NME7: variants seen among roughly 807,000 people sequenced by gnomAD.
NME7 encodes the protein NME/NM23 family member 7.
In NME7, 41 loss-of-function variants were observed where a neutral mutation model predicts 49.1. The ratio of observed to expected loss-of-function variants is 0.83; its 90% CI spans 0.65 to 1.08. NME7 has a LOEUF of 1.08. Ranked by LOEUF, NME7 falls within the 50% of genes least tolerant of loss-of-function variation. The pLI is 0.00. For missense variants in NME7, 423 were observed against 463.4 expected (o/e 0.91, Z 0.80); for synonymous variants, 139 against 150.6 (o/e 0.92, Z 0.56).
intron 1 of NME7, among the ~76,000 whole-genome samples, chr1:169,367,157 G>C (rs1272892760): frequency 1.3e-5 from 2 of 151,286 alleles, no homozygotes; most frequent in Admixed American, 6.6e-5. Context: ...AAAAAAAGAA[G>C]AAGAAAGAAA....
At chr1:169,338,088 T>G (rs1384750590) in intron 1 of NME7, among the ~76,000 whole-genome samples, 1 of 152,194 alleles carries the variant, frequency 6.6e-6, no homozygotes, top group Non-Finnish European at 1.5e-5. Context: ...GAAAACAAAT[T>G]ATAACAGAAG....
At chr1:169,295,499 TTAAC>T (rs1266733168) in intron 6 of NME7, among the ~76,000 whole-genome samples, 2 of 152,194 alleles carry the variant, frequency 1.3e-5, no homozygotes, top group African/African-American at 4.8e-5. Context: ...GATTGGAAAT[TTAAC>T]TATACAAAAC....
rs10800427 is a variant in NME7 at position 169,303,213 on chromosome 1, A to T, written c.390-18T>A. On this transcript the variant is annotated intron_variant, in intron 4 of 11. Transcript: ENST00000367811. The stretch of plus-strand genomic sequence containing the variant: ...CTTCTTTCCTATAAAATAATCAAAA[A>T]GGCAATAGTTAAGAATTATAAAATT... 0.96 allele frequency: 1,341,352 copies of T among 1,398,832 alleles called. 643,327 individuals carry two copies. The highest frequency in any genetic ancestry group is 1 in the East Asian group (39,950 of 39,958). 86.7% of individuals were successfully genotyped at this position (1,398,832 alleles called of 1,614,324 possible). A position where few individuals can be genotyped will look rare whatever the true frequency, so the allele number is the denominator to read the frequency against.
intron 10 of NME7, among the ~76,000 whole-genome samples, chr1:169,180,580 C>T (rs916911641): frequency 1.3e-5 from 2 of 152,150 alleles, no homozygotes; most frequent in African/African-American, 4.8e-5. Context: ...AGATTCCAGA[C>T]CAAGGTGAGC....
In NME7 at chr1:169,216,860, A is replaced by G. The variant is rs532258003; in HGVS notation, c.990+13858T>C. ...ACACACTTCTTGGTGACCAAAAGTC[A>G]CAGAGGTCTTTTCTGTTGACTGTTG... is the stretch of plus-strand genomic sequence containing the variant. On this transcript the variant is annotated intron_variant, in intron 10 of 11. Transcript: ENST00000367811. 4.6e-5 allele frequency among the ~76,000 whole-genome samples: 7 copies of G among 152,360 alleles called. No homozygotes were observed. In the South Asian group the frequency reaches 1.5e-3, roughly 32 times the overall value.
At chr1:169,210,725 T>C (rs1348306924) in intron 10 of NME7, among the ~76,000 whole-genome samples, 1 of 148,098 alleles carries the variant, frequency 6.8e-6, no homozygotes, top group East Asian at 3.6e-4. Context: ...ACAAATAAAA[T>C]GGGGAAAAAA....
chr1:169,308,439 A>C (rs1266127149), intron 4 of NME7, among the ~76,000 whole-genome samples: 2 of 152,190 alleles, frequency 1.3e-5, no homozygotes. Flanking sequence ...TAAGAACACT[A>C]TTGGAGCCAG....
intron 1 of NME7, among the ~76,000 whole-genome samples, chr1:169,350,672 A>AG (rs1653140319): frequency 1.3e-5 from 2 of 152,090 alleles, no homozygotes; most frequent in Admixed American, 6.6e-5. Context: ...TCAAGAAAAG[A>AG]GGGAAAAAAA....
chr1:169,190,307 C>T (rs1660181451), intron 10 of NME7, among the ~76,000 whole-genome samples: 1 of 151,462 alleles, frequency 6.6e-6, no homozygotes, highest in South Asian at 2.1e-4. Flanking sequence ...TTAGAGAAGA[C>T]CACAATATAT....
intron 7 of NME7, among the ~76,000 whole-genome samples, chr1:169,246,160 G>C (rs1648303684): frequency 6.6e-6 from 1 of 152,010 alleles, no homozygotes; most frequent in African/African-American, 2.4e-5. Context: ...AAAAAAATTA[G>C]CCAGGTATGA....
At chr1:169,199,385 A>C (rs1660477857) in intron 10 of NME7, among the ~76,000 whole-genome samples, 1 of 151,158 alleles carries the variant, frequency 6.6e-6, no homozygotes, top group East Asian at 1.9e-4. Context: ...ACTTGCCAAG[A>C]GCAAAGCTAC....
At chr1:169,351,500 G>C (rs1653171425) in intron 1 of NME7, among the ~76,000 whole-genome samples, 1 of 151,108 alleles carries the variant, frequency 6.6e-6, no homozygotes, top group South Asian at 2.1e-4. Flanking sequence ...CAAATAAATA[G>C]CCTAATGATG....
chr1:169,247,010 A>AC (rs1479676505), intron 7 of NME7: 4 of 456,062 alleles, frequency 8.8e-6, no homozygotes, highest in African/African-American at 2.0e-5. Context: ...AGCAGAGAAG[A>AC]CCTATGGGAA....
chr1:169,366,520 G>T (rs1653860736), intron 1 of NME7, among the ~76,000 whole-genome samples: 2 of 152,176 alleles, frequency 1.3e-5, no homozygotes, highest in Non-Finnish European at 2.9e-5. Flanking sequence ...AGAAACTGGA[G>T]AGGAAAAGGC....
At chr1:169,192,171 T>C (rs1660248734) in intron 10 of NME7, among the ~76,000 whole-genome samples, 1 of 152,118 alleles carries the variant, frequency 6.6e-6, no homozygotes, top group Non-Finnish European at 1.5e-5. Context: ...ATATGACAAC[T>C]GCCAGGTGAG....
At chr1:169,171,257 A>G (rs1464849561) in intron 10 of NME7, among the ~76,000 whole-genome samples, 1 of 151,922 alleles carries the variant, frequency 6.6e-6, no homozygotes, top group South Asian at 2.1e-4. Flanking sequence ...AGTCCCAGCT[A>G]CTTGGGAGGC....
chr1:169,339,901 T>G (rs1423439488), intron 1 of NME7, among the ~76,000 whole-genome samples: 1 of 152,190 alleles, frequency 6.6e-6, no homozygotes, highest in Non-Finnish European at 1.5e-5. Flanking sequence ...TTGGTTAAGT[T>G]TCTCCTCTGC....
intron 10 of NME7, among the ~76,000 whole-genome samples, chr1:169,203,869 G>C (rs1351827417): frequency 6.6e-6 from 1 of 151,984 alleles, no homozygotes; most frequent in East Asian, 1.9e-4. Flanking sequence ...TTCGTGTTTT[G>C]TTTTTGAGAC....
In NME7 at chr1:169,258,926, C is replaced by T. The variant is rs2101860660; in HGVS notation, c.755-21239G>A. 1.5e-5 allele frequency among the ~76,000 whole-genome samples: 2 copies of T among 132,706 alleles called. 1 individual carries two copies. The highest frequency in any genetic ancestry group is 5.1e-5 in the African/African-American group (2 of 39,354). The allele number at this position is 132,706 out of a possible 152,430, so 87.1% of individuals were successfully genotyped here. ...CAAATCAGATACTTTGGAGTCAGGG[C>T]CCAGGAATCTATATTTAATCCAAGT... On this transcript the variant is annotated intron_variant, in intron 7 of 11. Coordinates refer to ENST00000367811, the MANE Select transcript of NME7 (RefSeq NM_013330.5).
Sources: gnomAD v4.1 joint callset for allele counts (sites outside exome capture counted in the v4.1 genomes callset) on GRCh38, gnomAD v4.1.1 for gene constraint, MANE v1.5 for transcripts, NCBI Gene and HGNC (gene_info 2026-07-23, HGNC 2026-07-21) for gene names.